MYRFL: variants seen among roughly 807,000 people sequenced by gnomAD.
MYRFL encodes the protein myelin regulatory factor like.
In MYRFL, 88 loss-of-function variants were observed where a neutral mutation model predicts 109.4. That is an observed-to-expected ratio of 0.80 (90% CI 0.68 to 0.96). The LOEUF is 0.96. Among genes scored for constraint, MYRFL ranks in the 40% least tolerant of loss-of-function variants. MYRFL has a pLI of 0.00. For missense variants in MYRFL, 957 were observed against 954.9 expected (o/e 1.00, Z -0.03); for synonymous variants, 324 against 320.9 (o/e 1.01, Z -0.10).
At chr12:69,922,200 G>A (rs1954934088) in intron 13 of MYRFL, among the ~76,000 whole-genome samples, 1 of 152,104 alleles carries the variant, frequency 6.6e-6, no homozygotes, top group African/African-American at 2.4e-5. Context: ...AGCTGACCAT[G>A]TGACCCACTG....
chr12:69,925,440 A>G (rs866543726), intron 13 of MYRFL, among the ~76,000 whole-genome samples: 1 of 152,220 alleles, frequency 6.6e-6, no homozygotes, highest in African/African-American at 2.4e-5. Flanking sequence ...AAGAATCTCA[A>G]AGGCACATAG....
intron 13 of MYRFL, among the ~76,000 whole-genome samples, chr12:69,911,819 G>A (rs1033345324): frequency 4.6e-5 from 7 of 152,172 alleles, no homozygotes; most frequent in African/African-American, 1.7e-4. Context: ...ATGCTTGAGT[G>A]GAGACTAATT....
intron 4 of MYRFL, 64 bp downstream of exon 4, chr12:69,879,517 G>C: frequency 3.0e-6 from 2 of 656,678 alleles, no homozygotes. Context: ...GCCTGCCTCT[G>C]GCAGGCACCT....
chr12:69,836,473 C>A (rs1882949544), intron 1 of MYRFL, among the ~76,000 whole-genome samples: 2 of 152,182 alleles, frequency 1.3e-5, no homozygotes, highest in South Asian at 4.1e-4. Flanking sequence ...AGAAATGACA[C>A]AAATGATTAT....
intron 10 of MYRFL, among the ~76,000 whole-genome samples, chr12:69,903,284 T>A (rs1954248117): frequency 6.6e-6 from 1 of 152,252 alleles, no homozygotes. Context: ...AATGTTCTGA[T>A]TTTAAATCAT....
At chr12:69,859,838 C>T (rs1040129061) in intron 2 of MYRFL, among the ~76,000 whole-genome samples, 2 of 152,138 alleles carry the variant, frequency 1.3e-5, no homozygotes, top group Admixed American at 6.5e-5. Flanking sequence ...TAAACTAGTT[C>T]ATCCATTGTG....
chr12:69,847,287 G>T (rs898774704), intron 1 of MYRFL, among the ~76,000 whole-genome samples: 1 of 152,142 alleles, frequency 6.6e-6, no homozygotes, highest in Non-Finnish European at 1.5e-5. Context: ...AGGGCATATA[G>T]AACAGAGAGC....
intron 2 of MYRFL, among the ~76,000 whole-genome samples, chr12:69,856,388 T>C (rs1364797965): frequency 6.6e-6 from 1 of 152,114 alleles, no homozygotes; most frequent in African/African-American, 2.4e-5. Context: ...TTTTGTGTGA[T>C]CAATAGTTTA....
At chr12:69,882,694 AG>A (rs1886202657) in intron 5 of MYRFL, among the ~76,000 whole-genome samples, 1 of 152,210 alleles carries the variant, frequency 6.6e-6, no homozygotes, top group African/African-American at 2.4e-5. Flanking sequence ...AAGTGCTGGT[AG>A]GCAGGCTTCT....
At chr12:69,913,491 T>TA in intron 13 of MYRFL, among the ~76,000 whole-genome samples, 1 of 152,270 alleles carries the variant, frequency 6.6e-6, no homozygotes, top group East Asian at 1.9e-4. Context: ...TAGGTAAGAG[T>TA]CCAGCTTCAT....
intron 19 of MYRFL, among the ~76,000 whole-genome samples, chr12:69,949,375 T>C (rs1955917165): frequency 6.6e-6 from 1 of 152,208 alleles, no homozygotes. Flanking sequence ...ACAACATTCA[T>C]CTGAATGGTT....
At chr12:69,841,449 G>A (rs1276464090) in intron 1 of MYRFL, among the ~76,000 whole-genome samples, 2 of 152,230 alleles carry the variant, frequency 1.3e-5, no homozygotes, top group Non-Finnish European at 2.9e-5. Context: ...GCCCTGATTT[G>A]TAGCATTTGC....
At chr12:69,911,876 G>A (rs1164169835) in intron 13 of MYRFL, among the ~76,000 whole-genome samples, 2 of 152,190 alleles carry the variant, frequency 1.3e-5, no homozygotes, top group Admixed American at 1.3e-4. Context: ...ACTTCAAAGT[G>A]CACATGCATC....
At chr12:69,846,562 G>A (rs1434698090) in intron 1 of MYRFL, among the ~76,000 whole-genome samples, 8 of 152,056 alleles carry the variant, frequency 5.3e-5, no homozygotes, top group African/African-American at 1.7e-4. Flanking sequence ...ATTCCATGGT[G>A]TATATGTGCC....
chr12:69,859,002 G>A (rs756700808), intron 2 of MYRFL, among the ~76,000 whole-genome samples: 7 of 151,666 alleles, frequency 4.6e-5, no homozygotes, highest in African/African-American at 9.7e-5. Context: ...TCTGTATGTG[G>A]CTTTAGCTGC....
chr12:69,895,839 C>A (rs1465630911), intron 9 of MYRFL, among the ~76,000 whole-genome samples: 1 of 152,174 alleles, frequency 6.6e-6, no homozygotes, highest in Non-Finnish European at 1.5e-5. Flanking sequence ...TCTTGAAGTT[C>A]TGCTATGACC....
chr12:69,842,393 C>A (rs1489723149), intron 1 of MYRFL, among the ~76,000 whole-genome samples: 2 of 152,188 alleles, frequency 1.3e-5, no homozygotes, highest in African/African-American at 4.8e-5. Context: ...TCATTCACAG[C>A]TTTATTTACT....
intron 2 of MYRFL, among the ~76,000 whole-genome samples, chr12:69,871,859 C>T (rs377392821): frequency 3.9e-5 from 6 of 152,158 alleles, no homozygotes; most frequent in African/African-American, 1.4e-4. Flanking sequence ...AAATTTTTCT[C>T]AATGTTAAAA....
At chr12:69,864,676 CACACACACACACAG>C in intron 2 of MYRFL, among the ~76,000 whole-genome samples, 1 of 126,786 alleles carries the variant, frequency 7.9e-6, no homozygotes, top group East Asian at 2.3e-4. Flanking sequence ...CACAAACACA[CACACACACACACAG>C]AGCTAGTAGG....
Sources: gnomAD v4.1 joint callset for allele counts (sites outside exome capture counted in the v4.1 genomes callset) on GRCh38, gnomAD v4.1.1 for gene constraint, MANE v1.5 for transcripts, NCBI Gene and HGNC (gene_info 2026-07-23, HGNC 2026-07-21) for gene names.